AUTS2: variants seen among roughly 807,000 people sequenced by gnomAD.
The protein encoded by AUTS2 is activator of transcription and developmental regulator AUTS2.
A neutral mutation model predicts 112.4 loss-of-function variants in AUTS2; 17 were observed. The ratio of observed to expected loss-of-function variants is 0.15; its 90% CI spans 0.10 to 0.23. The LOEUF is 0.23. Ranked by LOEUF, AUTS2 falls within the 10% of genes least tolerant of loss-of-function variation. The pLI is 1.00. For synonymous variants in AUTS2, 751 were observed against 702.7 expected (o/e 1.07, Z -1.09); for missense variants, 1,510 against 1,701.6 (o/e 0.89, Z 1.98).
chr7:69,858,901 T>C (rs907709005), intron 1 of AUTS2, among the ~76,000 whole-genome samples: 2 of 152,228 alleles, frequency 1.3e-5, no homozygotes, highest in East Asian at 1.9e-4. Flanking sequence ...TTGCCTTGTG[T>C]AGCACTGGAT....
chr7:69,846,098 AT>A (rs35234562), intron 1 of AUTS2, among the ~76,000 whole-genome samples: 138 of 146,880 alleles, frequency 9.4e-4, no homozygotes, highest in Admixed American at 1.2e-3. Flanking sequence ...TTTATTTGGG[AT>A]TTTTTTTTTT....
intron 4 of AUTS2, among the ~76,000 whole-genome samples, chr7:70,282,857 C>T (rs946088336): frequency 1.5e-4 from 23 of 152,236 alleles, no homozygotes; most frequent in South Asian, 4.2e-4. Context: ...TCAAGAAACG[C>T]CTCCATCCTG....
chr7:70,661,046 G>C (rs748301489), intron 5 of AUTS2, among the ~76,000 whole-genome samples: 10 of 151,810 alleles, frequency 6.6e-5, no homozygotes, highest in Non-Finnish European at 1.2e-4. Context: ...ACTTTTATTT[G>C]TCTTTCTCCC....
At chr7:70,531,949 T>C (rs995387451) in intron 5 of AUTS2, among the ~76,000 whole-genome samples, 1 of 152,232 alleles carries the variant, frequency 6.6e-6, no homozygotes, top group Non-Finnish European at 1.5e-5. Flanking sequence ...CTCTGCTGGC[T>C]TCTGTCAGTC....
At chr7:69,851,475 C>T (rs1235557937) in intron 1 of AUTS2, among the ~76,000 whole-genome samples, 1 of 152,164 alleles carries the variant, frequency 6.6e-6, no homozygotes, top group Admixed American at 6.5e-5. Flanking sequence ...GTCTTAAACA[C>T]CTGGACACAA....
chr7:69,741,016 C>G (rs1276186658), intron 1 of AUTS2, among the ~76,000 whole-genome samples: 1 of 152,140 alleles, frequency 6.6e-6, no homozygotes, highest in African/African-American at 2.4e-5. Context: ...TTCCAACCTA[C>G]TTGGAAAGAT....
At chr7:69,821,212 A>G (rs1412803467) in intron 1 of AUTS2, among the ~76,000 whole-genome samples, 2 of 152,144 alleles carry the variant, frequency 1.3e-5, no homozygotes, top group Non-Finnish European at 1.5e-5. Context: ...AGGAGTAGAG[A>G]TATGAAGAAA....
chr7:70,062,134 G>A (rs1024548117), intron 2 of AUTS2, among the ~76,000 whole-genome samples: 1 of 151,756 alleles, frequency 6.6e-6, no homozygotes, highest in Non-Finnish European at 1.5e-5. Context: ...CTTTTATATA[G>A]AGAAAACATT....
chr7:69,799,941 T>A (rs1317008475), intron 1 of AUTS2, among the ~76,000 whole-genome samples: 1 of 152,158 alleles, frequency 6.6e-6, no homozygotes, highest in East Asian at 1.9e-4. Flanking sequence ...AATGACATTA[T>A]TTTTCATTCT....
chr7:70,660,220 CA>C (rs1392887440), intron 5 of AUTS2, among the ~76,000 whole-genome samples: 1 of 151,914 alleles, frequency 6.6e-6, no homozygotes, highest in East Asian at 1.9e-4. Flanking sequence ...GAAAGAAATG[CA>C]GGCAACTGTG....
intron 4 of AUTS2, among the ~76,000 whole-genome samples, chr7:70,310,485 C>T (rs984043937): frequency 2.0e-5 from 3 of 151,796 alleles, no homozygotes; most frequent in Non-Finnish European, 2.9e-5. Context: ...TGGTGGTGGG[C>T]GCCTGTAGTC....
chr7:70,290,177 C>T (rs1788644132), intron 4 of AUTS2, among the ~76,000 whole-genome samples: 1 of 152,092 alleles, frequency 6.6e-6, no homozygotes, highest in Non-Finnish European at 1.5e-5. Context: ...GGTGAGCAGG[C>T]AGGCATCAAT....
chr7:70,717,212 ATTTTT>A (rs1810429970), intron 6 of AUTS2, among the ~76,000 whole-genome samples: 1 of 151,996 alleles, frequency 6.6e-6, no homozygotes. Flanking sequence ...CACCTGGCTA[ATTTTT>A]TAATTTTCTA....
chr7:70,024,887 A>T (rs187949371), intron 2 of AUTS2, among the ~76,000 whole-genome samples: 1 of 152,240 alleles, frequency 6.6e-6, no homozygotes, highest in Non-Finnish European at 1.5e-5. Flanking sequence ...AACTGATTGT[A>T]GAAGTTAACC....
At chr7:70,518,617 A>T (rs979945375) in intron 5 of AUTS2, among the ~76,000 whole-genome samples, 1 of 151,448 alleles carries the variant, frequency 6.6e-6, no homozygotes, top group Non-Finnish European at 1.5e-5. Flanking sequence ...CAGGAGCCGG[A>T]GCTTGCAGTG....
intron 4 of AUTS2, among the ~76,000 whole-genome samples, chr7:70,336,933 CT>C (rs1791016836): frequency 6.6e-6 from 1 of 152,182 alleles, no homozygotes; most frequent in Admixed American, 6.5e-5. Context: ...CTCGGTCTTA[CT>C]TTGTTTTTTA....
chr7:69,685,044 G>T (rs1354018208), intron 1 of AUTS2, among the ~76,000 whole-genome samples: 2 of 152,108 alleles, frequency 1.3e-5, no homozygotes, highest in Non-Finnish European at 2.9e-5. Context: ...AAAAACTTTA[G>T]TGACTCCACA....
chr7:69,612,694 G>A (rs182426927), intron 1 of AUTS2, among the ~76,000 whole-genome samples: 4 of 152,194 alleles, frequency 2.6e-5, no homozygotes, highest in Admixed American at 2.0e-4. Context: ...GGGCTTAAGC[G>A]ATCCTCCCAT....
At chr7:69,949,720 T>C (rs1338342612) in intron 2 of AUTS2, among the ~76,000 whole-genome samples, 1 of 152,200 alleles carries the variant, frequency 6.6e-6, no homozygotes, top group Non-Finnish European at 1.5e-5. Context: ...GAACTTTCCA[T>C]GATGCTCTTC....
Sources: gnomAD v4.1 joint callset for allele counts (sites outside exome capture counted in the v4.1 genomes callset) on GRCh38, gnomAD v4.1.1 for gene constraint, MANE v1.5 for transcripts, NCBI Gene and HGNC (gene_info 2026-07-23, HGNC 2026-07-21) for gene names.